The following PRKG1 variants were observed in gnomAD, a reference collection of about 807,000 sequenced individuals.
The protein encoded by PRKG1 is protein kinase cGMP-dependent 1, also known as cGMP-dependent protein kinase 1.
In PRKG1, 35 loss-of-function variants were observed where a neutral mutation model predicts 88.1. The ratio of observed to expected loss-of-function variants is 0.40; its 90% CI spans 0.30 to 0.53. The LOEUF (loss-of-function observed/expected upper bound fraction) is 0.53. Among genes scored for constraint, PRKG1 ranks in the 20% least tolerant of loss-of-function variants. PRKG1 has a pLI of 0.59. For missense variants in PRKG1, 540 were observed against 839.8 expected, an observed-to-expected ratio of 0.64 and a Z score of 4.41; for synonymous variants, 303 against 292.5, an observed-to-expected ratio of 1.04 and a Z score of -0.37.
chr10:51,966,234 C>T (rs1233097548), intron 5 of PRKG1, among the ~76,000 whole-genome samples: 1 of 152,036 alleles, frequency 6.6e-6, no homozygotes, highest in Admixed American at 6.6e-5. Context: ...TTGATAATTT[C>T]AGCAACCCTT....
intron 3 of PRKG1, among the ~76,000 whole-genome samples, chr10:51,536,381 A>G (rs1842152043): frequency 1.3e-5 from 2 of 151,962 alleles, no homozygotes; most frequent in Admixed American, 1.3e-4. Flanking sequence ...CCTGCTTTTT[A>G]ATGGGTTGTT....
intron 2 of PRKG1, chr10:51,320,680 C>T (rs1223536477): frequency 6.6e-6 from 1 of 152,222 alleles, no homozygotes; most frequent in East Asian, 1.9e-4. Flanking sequence ...ATTGGCTGGG[C>T]CTCTGGCCTC....
At chr10:51,216,644 A>C (rs929568586) in intron 2 of PRKG1, among the ~76,000 whole-genome samples, 3 of 152,166 alleles carry the variant, frequency 2.0e-5, no homozygotes, top group African/African-American at 7.2e-5. Context: ...CATCATTTTC[A>C]AGATTATGTA....
intron 1 of PRKG1, among the ~76,000 whole-genome samples, chr10:51,097,792 G>A (rs553464419): frequency 5.8e-4 from 88 of 152,200 alleles, no homozygotes; most frequent in African/African-American, 1.8e-3. Flanking sequence ...TGGATGGCCC[G>A]CAGGCAGGAA....
At chr10:51,327,205 A>G (rs549540302) in intron 2 of PRKG1, among the ~76,000 whole-genome samples, 1 of 152,246 alleles carries the variant, frequency 6.6e-6, no homozygotes, top group South Asian at 2.1e-4. Context: ...ATTTGAGATC[A>G]GGAGTTCATG....
chr10:51,809,848 A>G (rs1490545442), intron 4 of PRKG1, among the ~76,000 whole-genome samples: 1 of 152,078 alleles, frequency 6.6e-6, no homozygotes, highest in East Asian at 1.9e-4. Context: ...TTGTCTTCCA[A>G]GCACTGCCTG....
chr10:51,077,096 A>G (rs893502469), intron 1 of PRKG1, among the ~76,000 whole-genome samples: 6 of 152,240 alleles, frequency 3.9e-5, no homozygotes, highest in African/African-American at 1.2e-4. Flanking sequence ...GGGAAAAAAG[A>G]AGTACATTGT....
intron 3 of PRKG1, among the ~76,000 whole-genome samples, chr10:51,740,003 T>G (rs2132488308): frequency 6.6e-6 from 1 of 152,210 alleles, no homozygotes; most frequent in Middle Eastern, 3.4e-3. Flanking sequence ...CACTTTACAG[T>G]CTTAAATATG....
intron 3 of PRKG1, among the ~76,000 whole-genome samples, chr10:51,531,665 A>ATTTTTT (rs1842020647): frequency 3.7e-5 from 1 of 27,060 alleles, no homozygotes; most frequent in African/African-American, 1.5e-4. Flanking sequence ...TTTTTTTTTG[A>ATTTTTT]GACCGTCTCA....
At chr10:52,114,094 G>T (rs967139946) in intron 7 of PRKG1, among the ~76,000 whole-genome samples, 1 of 152,062 alleles carries the variant, frequency 6.6e-6, no homozygotes, top group Non-Finnish European at 1.5e-5. Flanking sequence ...TGGACTTGGG[G>T]TTAGGTAAAT....
intron 1 of PRKG1, among the ~76,000 whole-genome samples, chr10:51,102,244 A>G (rs924463050): frequency 2.0e-5 from 3 of 152,196 alleles, no homozygotes; most frequent in African/African-American, 7.2e-5. Flanking sequence ...ATTTAACTGC[A>G]TATTTGTATA....
chr10:51,719,889 G>A (rs898855984), intron 3 of PRKG1, among the ~76,000 whole-genome samples: 5 of 152,206 alleles, frequency 3.3e-5, no homozygotes, highest in African/African-American at 1.2e-4. Context: ...AGGTTCAAGA[G>A]TGAAAGCAGA....
At chr10:51,317,776 C>T (rs113171985) in intron 2 of PRKG1, among the ~76,000 whole-genome samples, 77 of 152,300 alleles carry the variant, frequency 5.1e-4, no homozygotes, top group African/African-American at 1.8e-3. Context: ...TCCATCAGTG[C>T]CTTCTATTTC....
Position 51,913,620 on chromosome 10 carries a change from A to T in PRKG1, c.762+6050A>T, listed in dbSNP as rs373994612. ...ACAGGTATAGAGTTTCTTGGTCAAAAATCTGTCCAGACCAAACACAGTAAT... is the reference window on the plus strand; with the variant it reads ...ACAGGTATAGAGTTTCTTGGTCAAATATCTGTCCAGACCAAACACAGTAAT... On this transcript the variant is annotated intron_variant, in intron 5 of 17. Transcript: ENST00000373980. Among the ~76,000 whole-genome samples the T allele has an allele frequency of 5.6e-4, 86 of 152,246 alleles. No individual in the cohort carries two copies. In the South Asian group the frequency reaches 0.016, roughly 29 times the overall value.
chr10:52,118,295 C>A (rs1185859985), intron 7 of PRKG1, among the ~76,000 whole-genome samples: 1 of 151,834 alleles, frequency 6.6e-6, no homozygotes, highest in South Asian at 2.1e-4. Flanking sequence ...TCGGGGTATT[C>A]TTTATATTAT....
intron 2 of PRKG1, among the ~76,000 whole-genome samples, chr10:51,265,680 G>A (rs1839820240): frequency 1.3e-5 from 2 of 152,134 alleles, no homozygotes; most frequent in Admixed American, 6.6e-5. Flanking sequence ...GGTTAACCAT[G>A]TTTTGAGAGA....
At chr10:52,008,276 T>C (rs999901837) in intron 5 of PRKG1, among the ~76,000 whole-genome samples, 1 of 151,966 alleles carries the variant, frequency 6.6e-6, no homozygotes, top group African/African-American at 2.4e-5. Flanking sequence ...ATAATCAAAA[T>C]CAGAGCTGAA....
intron 3 of PRKG1, among the ~76,000 whole-genome samples, chr10:51,770,025 GTC>G (rs1256657102): frequency 6.6e-6 from 1 of 152,208 alleles, no homozygotes; most frequent in African/African-American, 2.4e-5. Context: ...GTTAATGTAT[GTC>G]TGTACGACAG....
chr10:51,839,488 T>A (rs1840214492), intron 4 of PRKG1, among the ~76,000 whole-genome samples: 1 of 152,200 alleles, frequency 6.6e-6, no homozygotes, highest in Admixed American at 6.5e-5. Context: ...AAAGGAAATG[T>A]TATGCTCAAT....
Sources: gnomAD v4.1 joint callset for allele counts (sites outside exome capture counted in the v4.1 genomes callset) on GRCh38, gnomAD v4.1.1 for gene constraint, MANE v1.5 for transcripts, NCBI Gene and HGNC (gene_info 2026-07-23, HGNC 2026-07-21) for gene names.